The following ACTR3C variants were observed in gnomAD, a reference collection of about 807,000 sequenced individuals.
ACTR3C encodes actin-related protein 3C.
A neutral mutation model predicts 26.3 loss-of-function variants in ACTR3C; 18 were observed. The observed-to-expected ratio is 0.68, with a 90% confidence interval of 0.47 to 1.01. ACTR3C has a LOEUF of 1.01. ACTR3C is among the 50% of genes least tolerant of loss of function. ACTR3C has a pLI of 0.00. For missense variants in ACTR3C, 184 were observed against 250.7 expected (o/e 0.73, Z 1.80); for synonymous variants, 55 against 94.5 (o/e 0.58, Z 2.42).
Position 150,295,293 on chromosome 7 carries a change from A to T in ACTR3C, c.4T>A (p.Phe2Ile). 1 of 1,614,056 alleles carries T rather than the reference A, an allele frequency of 6.2e-7. No homozygotes were observed. The change falls in exon 2 of 8, where the codon TTC (phenylalanine) becomes ATC (isoleucine). Residue 2 changes from phenylalanine (F) to isoleucine (I), a missense_variant. Physicochemically the swap from Phe to Ile is conservative, Grantham distance 21. Coordinates refer to ENST00000683684, the MANE Select transcript of ACTR3C (RefSeq NM_001164458.2). M[F>I]ESFNVPGLYI... ...AGTCCTGGAACGTTAAATGATTCGA[A>T]CATAATTTCTGCAAGATACTCTCTG...
chr7:150,056,663 C>T, the ACTR3C span, among the ~76,000 whole-genome samples: 1,698 of 151,474 alleles, frequency 0.011, 17 homozygotes, highest in African/African-American at 0.02. Flanking sequence ...CTCTCAGCTG[C>T]AGCGGGATGA....
At chr7:150,098,715 T>C in the ACTR3C span, among the ~76,000 whole-genome samples, 1 of 151,780 alleles carries the variant, frequency 6.6e-6, no homozygotes, top group African/African-American at 2.4e-5. Flanking sequence ...CAATGAAACC[T>C]GTAGGAGTTC....
At chr7:150,122,918 T>A in the ACTR3C span, among the ~76,000 whole-genome samples, 18 of 150,710 alleles carry the variant, frequency 1.2e-4, no homozygotes, top group Admixed American at 2.0e-4. Context: ...ATAAAAAGAA[T>A]GAGTTCGTGT....
At chr7:150,088,856 C>A in the ACTR3C span, among the ~76,000 whole-genome samples, 5 of 152,140 alleles carry the variant, frequency 3.3e-5, no homozygotes, top group South Asian at 4.2e-4. Flanking sequence ...ATCACTCAGG[C>A]CCTTTCTAGA....
the ACTR3C span, among the ~76,000 whole-genome samples, chr7:150,225,848 T>C: frequency 3.3e-5 from 5 of 152,252 alleles, no homozygotes; most frequent in Non-Finnish European, 7.3e-5. Context: ...CCCTAAAAGT[T>C]CTGAGCTTCA....
chr7:150,307,198 A>G (rs1235865762), intron 1 of ACTR3C, among the ~76,000 whole-genome samples: 1 of 152,254 alleles, frequency 6.6e-6, no homozygotes, highest in African/African-American at 2.4e-5. Context: ...GAGATAGGAA[A>G]TATCAATCAA....
chr7:150,163,823 C>T, the ACTR3C span, among the ~76,000 whole-genome samples: 8 of 151,932 alleles, frequency 5.3e-5, no homozygotes, highest in South Asian at 4.1e-4. Flanking sequence ...TATTTGAGTC[C>T]GCCTCCATGG....
the ACTR3C span, among the ~76,000 whole-genome samples, chr7:150,049,337 C>T: frequency 8.5e-5 from 13 of 152,248 alleles, no homozygotes; most frequent in African/African-American, 2.9e-4. Context: ...CAGCCCTTCC[C>T]GGCCGGGAAG....
the ACTR3C span, among the ~76,000 whole-genome samples, chr7:150,182,550 A>G: frequency 1.3e-5 from 2 of 150,778 alleles, no homozygotes; most frequent in African/African-American, 2.5e-5. Context: ...GAGGTCTATT[A>G]ATAATGGACC....
chr7:150,167,475 G>A, the ACTR3C span, among the ~76,000 whole-genome samples: 373 of 150,894 alleles, frequency 2.5e-3, 29 homozygotes, highest in African/African-American at 8.9e-3. Flanking sequence ...AATAGAATGC[G>A]ACAGTTAATT....
the ACTR3C span, among the ~76,000 whole-genome samples, chr7:150,037,452 G>A: frequency 3.5e-5 from 2 of 56,868 alleles, 1 homozygote; most frequent in Non-Finnish European, 8.5e-5. Flanking sequence ...CCTGCCTCGC[G>A]GGGGGTGCCT....
At chr7:150,281,490 A>C (rs1835338884) in intron 6 of ACTR3C, among the ~76,000 whole-genome samples, 1 of 150,402 alleles carries the variant, frequency 6.6e-6, no homozygotes, top group Non-Finnish European at 1.5e-5. Flanking sequence ...GAGGGACCCT[A>C]CTCCATCCCA....
the ACTR3C span, among the ~76,000 whole-genome samples, chr7:150,188,176 G>A: frequency 2.6e-5 from 4 of 152,216 alleles, no homozygotes; most frequent in South Asian, 4.1e-4. Flanking sequence ...CTGTAGTTTC[G>A]TTCTTTCCAG....
chr7:150,191,632 G>A, the ACTR3C span, among the ~76,000 whole-genome samples: 1 of 152,278 alleles, frequency 6.6e-6, no homozygotes, highest in East Asian at 1.9e-4. Flanking sequence ...GTTTTGCCAT[G>A]TAGAAAGTTA....
chr7:150,047,293 A>G, the ACTR3C span, among the ~76,000 whole-genome samples: 3 of 152,166 alleles, frequency 2.0e-5, no homozygotes, highest in Admixed American at 6.5e-5. Flanking sequence ...CCATAGCAGC[A>G]TGCTGTTAAA....
the ACTR3C span, among the ~76,000 whole-genome samples, chr7:150,034,803 C>T: frequency 1.4e-5 from 2 of 147,198 alleles, no homozygotes; most frequent in Admixed American, 6.7e-5. Flanking sequence ...GGCTCTCAGT[C>T]CCCGCCTCGT....
At chr7:149,907,468 CTCTCT>C in the ACTR3C span, among the ~76,000 whole-genome samples, 113 of 119,608 alleles carry the variant, frequency 9.4e-4, 2 homozygotes, top group South Asian at 7.0e-3. Flanking sequence ...CCTCTCTTGC[CTCTCT>C]TCTCTTCTCT....
At chr7:150,162,503 G>C in the ACTR3C span, among the ~76,000 whole-genome samples, 3 of 152,030 alleles carry the variant, frequency 2.0e-5, no homozygotes, top group African/African-American at 7.2e-5. Context: ...TTTTAGTAAA[G>C]AGGGGATTTC....
intron 1 of ACTR3C, chr7:150,302,778 A>G (rs945755765): frequency 1.1e-4 from 17 of 151,954 alleles, no homozygotes; most frequent in Non-Finnish European, 2.4e-4. Context: ...GTGGGGCAAG[A>G]TCACACAAAC....
Sources: gnomAD v4.1 joint callset for allele counts (sites outside exome capture counted in the v4.1 genomes callset) on GRCh38, gnomAD v4.1.1 for gene constraint, MANE v1.5 for transcripts, NCBI Gene and HGNC (gene_info 2026-07-23, HGNC 2026-07-21) for gene names.